The following ATRNL1 variants were observed in gnomAD, a reference collection of about 807,000 sequenced individuals.
ATRNL1 encodes attractin-like protein 1.
ATRNL1 carries 95 observed loss-of-function variants against 182.7 expected under a neutral mutation model. The observed-to-expected ratio is 0.52, with a 90% CI of 0.44 to 0.62. The LOEUF is 0.62. ATRNL1 is among the 20% of genes least tolerant of loss of function. ATRNL1 has a pLI of 0.00. For missense variants in ATRNL1, 1,471 were observed against 1,679.5 expected (o/e 0.88, Z 2.17); for synonymous variants, 576 against 568.3 (o/e 1.01, Z -0.19).
chr10:115,308,152 T>C (rs1853828979), intron 17 of ATRNL1, among the ~76,000 whole-genome samples: 1 of 152,152 alleles, frequency 6.6e-6, no homozygotes, highest in Admixed American at 6.5e-5. Context: ...TTTTCAGTCA[T>C]AATATTGTGA....
At chr10:115,796,704 G>A (rs1661656974) in intron 27 of ATRNL1, among the ~76,000 whole-genome samples, 1 of 152,132 alleles carries the variant, frequency 6.6e-6, no homozygotes, top group Non-Finnish European at 1.5e-5. Flanking sequence ...TTTTCGAAAG[G>A]AAAGTAAATC....
At position 115,648,569 on chromosome 10, in the gene ATRNL1, A is replaced by G. The variant is rs192129026; in HGVS notation, c.3796-78679A>G. Among the ~76,000 whole-genome samples, 958 of 152,334 alleles carry G rather than the reference A, an allele frequency of 6.3e-3. 2 individuals are homozygous for G. The highest frequency in any genetic ancestry group is 0.011 in the Non-Finnish European group (721 of 68,028). ...ACTTCAAACTGTACTACAAGGCTAC[A>G]GTAACCAAAACAGCGTGGTACTGGT... On this transcript the variant is annotated intron_variant, in intron 26 of 28. Coordinates refer to ENST00000355044, the MANE Select transcript of ATRNL1 (RefSeq NM_207303.4).
At chr10:115,740,823 C>A (rs1555067442) in intron 27 of ATRNL1, among the ~76,000 whole-genome samples, 1 of 13,964 alleles carries the variant, frequency 7.2e-5, no homozygotes, top group East Asian at 0.1. Flanking sequence ...TCTCTTTAAA[C>A]ACACACACAC....
chr10:115,680,067 C>T (rs1348489131), intron 26 of ATRNL1, among the ~76,000 whole-genome samples: 1 of 152,048 alleles, frequency 6.6e-6, no homozygotes, highest in Non-Finnish European at 1.5e-5. Context: ...CTTCCAGTAT[C>T]AATTTTCTCA....
chr10:115,507,969 G>A (rs572935651), intron 24 of ATRNL1, among the ~76,000 whole-genome samples: 97 of 152,014 alleles, frequency 6.4e-4, no homozygotes, highest in African/African-American at 2.0e-3. Context: ...ATTTTACTTC[G>A]CATTATTGCA....
intron 28 of ATRNL1, among the ~76,000 whole-genome samples, chr10:115,915,163 C>T (rs782293141): frequency 1.7e-4 from 26 of 152,138 alleles, no homozygotes; most frequent in Admixed American, 7.2e-4. Flanking sequence ...TTTGGGAGGC[C>T]GAGGCAGGCG....
chr10:115,413,927 A>G (rs782739331), intron 20 of ATRNL1, among the ~76,000 whole-genome samples: 8 of 150,892 alleles, frequency 5.3e-5, no homozygotes, highest in Non-Finnish European at 8.9e-5. Context: ...ACATATAAAT[A>G]TACATATGTG....
intron 27 of ATRNL1, among the ~76,000 whole-genome samples, chr10:115,744,965 G>A (rs1282779675): frequency 6.6e-6 from 1 of 152,046 alleles, no homozygotes; most frequent in Non-Finnish European, 1.5e-5. Flanking sequence ...CTCCATCACT[G>A]TTTGTTCTAC....
intron 28 of ATRNL1, among the ~76,000 whole-genome samples, chr10:115,929,437 C>A (rs1953331339): frequency 6.6e-6 from 1 of 152,000 alleles, no homozygotes; most frequent in Non-Finnish European, 1.5e-5. Flanking sequence ...TATTAAAAGT[C>A]ATAAAAATGG....
chr10:115,246,001 A>G (rs918456492), intron 10 of ATRNL1, among the ~76,000 whole-genome samples: 7 of 152,218 alleles, frequency 4.6e-5, no homozygotes, highest in Admixed American at 1.3e-4. Context: ...TGTTGGGATT[A>G]TATACAAGAA....
intron 26 of ATRNL1, among the ~76,000 whole-genome samples, chr10:115,661,233 T>A (rs1255772737): frequency 7.2e-5 from 11 of 151,816 alleles, no homozygotes; most frequent in Admixed American, 1.3e-4. Context: ...ATTTGCATTA[T>A]ATCCTACCTT....
intron 19 of ATRNL1, among the ~76,000 whole-genome samples, chr10:115,382,419 G>A (rs1447690025): frequency 8.0e-5 from 12 of 150,830 alleles, no homozygotes; most frequent in South Asian, 4.2e-4. Context: ...AAATTATTTC[G>A]TGAGAATTTT....
chr10:115,513,604 A>G (rs1159881998), intron 24 of ATRNL1, among the ~76,000 whole-genome samples: 1 of 151,996 alleles, frequency 6.6e-6, no homozygotes, highest in East Asian at 1.9e-4. Context: ...GAATCTTGAA[A>G]GAGAATCTGA....
In ATRNL1 at chr10:115,141,778, G is replaced by A. The variant is rs187684698; in HGVS notation, c.829+12243G>A. Among the ~76,000 whole-genome samples the A allele has an allele frequency of 1.3e-3, 199 of 152,154 alleles. 2 individuals carry two copies. The highest frequency in any genetic ancestry group is 1.5e-3 in the Non-Finnish European group (104 of 67,960). ...AGGAGGGAGAAGTGACAGGTAATGC[G>A]TTTAATTCCGTTAAATTCTTCCCAC... is the stretch of plus-strand genomic sequence containing the variant. On this transcript the variant is annotated intron_variant, in intron 5 of 28. Coordinates refer to ENST00000355044, the MANE Select transcript of ATRNL1 (RefSeq NM_207303.4).
chr10:115,159,297 A>G (rs1554882723), intron 5 of ATRNL1, among the ~76,000 whole-genome samples: 1 of 151,608 alleles, frequency 6.6e-6, no homozygotes, highest in Non-Finnish European at 1.5e-5. Context: ...ATGAAAATAT[A>G]TTCCCTTTAG....
chr10:115,664,623 A>AT (rs1365488960), intron 26 of ATRNL1, among the ~76,000 whole-genome samples: 2 of 152,124 alleles, frequency 1.3e-5, no homozygotes, highest in East Asian at 3.9e-4. Context: ...AAATTAGTCT[A>AT]TTTTTATCAA....
At chr10:115,892,957 G>A (rs782426215) in intron 28 of ATRNL1, among the ~76,000 whole-genome samples, 24 of 152,140 alleles carry the variant, frequency 1.6e-4, no homozygotes, top group Non-Finnish European at 2.6e-4. Flanking sequence ...AAGACAAGTT[G>A]CTTTTAAAAA....
At chr10:115,342,119 A>G (rs575078084) in intron 19 of ATRNL1, among the ~76,000 whole-genome samples, 104 of 151,788 alleles carry the variant, frequency 6.9e-4, no homozygotes, top group Middle Eastern at 3.4e-3. Flanking sequence ...AGTGAAGGTG[A>G]TATGATTGAG....
chr10:115,628,471 T>C (rs998225915), intron 26 of ATRNL1, among the ~76,000 whole-genome samples: 2 of 152,222 alleles, frequency 1.3e-5, no homozygotes, highest in Non-Finnish European at 2.9e-5. Context: ...ATAACCTAGA[T>C]GCTAGATCCC....
Sources: gnomAD v4.1 joint callset for allele counts (sites outside exome capture counted in the v4.1 genomes callset) on GRCh38, gnomAD v4.1.1 for gene constraint, MANE v1.5 for transcripts, NCBI Gene and HGNC (gene_info 2026-07-23, HGNC 2026-07-21) for gene names.